The following SEMA3D variants were observed in gnomAD, a reference collection of about 807,000 sequenced individuals.
SEMA3D encodes semaphorin-3D.
SEMA3D carries 84 observed loss-of-function variants against 100.1 expected under a neutral mutation model. That is an observed-to-expected ratio of 0.84 (90% CI 0.70 to 1.01). The LOEUF (loss-of-function observed/expected upper bound fraction) is 1.01, where lower values mean the gene tolerates loss of function less well. Ranked by LOEUF, SEMA3D falls within the 50% of genes least tolerant of loss-of-function variation. The pLI is 0.00. For missense variants in SEMA3D, 875 were observed against 934.1 expected (o/e 0.94, Z 0.82); for synonymous variants, 312 against 320.7 (o/e 0.97, Z 0.29).
the SEMA3D span, among the ~76,000 whole-genome samples, chr7:85,242,843 TA>T: frequency 6.6e-6 from 1 of 152,160 alleles, no homozygotes; most frequent in Non-Finnish European, 1.5e-5. Flanking sequence ...TATCTGAAAT[TA>T]AAAAAATGAA....
At chr7:85,148,752 G>C (rs2191484) in intron 2 of SEMA3D, among the ~76,000 whole-genome samples, 1 of 152,066 alleles carries the variant, frequency 6.6e-6, no homozygotes, top group Non-Finnish European at 1.5e-5. Flanking sequence ...AATCAGTCGC[G>C]GTAACATCAG....
intron 4 of SEMA3D, among the ~76,000 whole-genome samples, chr7:85,084,456 T>G (rs1788160675): frequency 1.3e-5 from 2 of 152,192 alleles, no homozygotes; most frequent in Admixed American, 1.3e-4. Flanking sequence ...GACAACTTTA[T>G]ATCATTGGAC....
At chr7:85,016,578 C>A (rs1790109425) in intron 15 of SEMA3D, among the ~76,000 whole-genome samples, 1 of 151,496 alleles carries the variant, frequency 6.6e-6, no homozygotes, top group Non-Finnish European at 1.5e-5. Context: ...TGTTTCAGTC[C>A]TTATCACTTC....
the SEMA3D span, among the ~76,000 whole-genome samples, chr7:85,203,838 C>A: frequency 6.6e-6 from 1 of 151,728 alleles, no homozygotes; most frequent in Non-Finnish European, 1.5e-5. Context: ...AAACTTTGAA[C>A]CTAGTAGTAA....
At chr7:85,193,669 A>C in the SEMA3D span, among the ~76,000 whole-genome samples, 2 of 152,102 alleles carry the variant, frequency 1.3e-5, no homozygotes, top group African/African-American at 4.8e-5. Flanking sequence ...AAAACAAAAC[A>C]AAACTGAGAA....
chr7:85,057,891 A>G (rs1333977140), intron 8 of SEMA3D, among the ~76,000 whole-genome samples: 3 of 152,212 alleles, frequency 2.0e-5, no homozygotes, highest in Admixed American at 6.5e-5. Flanking sequence ...AGATCACACC[A>G]GGGCACTCCA....
intron 1 of SEMA3D, among the ~76,000 whole-genome samples, chr7:85,185,556 G>A (rs2240890): frequency 0.18 from 27,844 of 152,076 alleles, 2,758 homozygotes; most frequent in Non-Finnish European, 0.23. Context: ...CTGAAAGTTC[G>A]GCTATTTAAC....
the SEMA3D span, among the ~76,000 whole-genome samples, chr7:85,224,702 A>G: frequency 6.6e-6 from 1 of 152,096 alleles, no homozygotes; most frequent in Non-Finnish European, 1.5e-5. Flanking sequence ...TTCACTAGAA[A>G]TGGTCCTGTA....
the SEMA3D span, among the ~76,000 whole-genome samples, chr7:85,228,269 T>C: frequency 1.3e-4 from 20 of 152,178 alleles, no homozygotes; most frequent in Non-Finnish European, 2.5e-4. Flanking sequence ...AAGTCATGGT[T>C]AAATAATTTC....
chr7:85,168,137 T>C (rs531603514), intron 1 of SEMA3D, among the ~76,000 whole-genome samples: 27 of 151,984 alleles, frequency 1.8e-4, no homozygotes, highest in African/African-American at 5.8e-4. Context: ...AATCAACCTG[T>C]GGCTCTTATT....
chr7:85,060,979 CT>C (rs2116115983), intron 8 of SEMA3D, among the ~76,000 whole-genome samples: 1 of 152,288 alleles, frequency 6.6e-6, no homozygotes, highest in Non-Finnish European at 1.5e-5. Flanking sequence ...GGTCACACTT[CT>C]TAGTTTTATC....
rs189033532 is a variant in SEMA3D, at chr7:85,097,344, G to C, written c.312+461C>G. Among the ~76,000 whole-genome samples the C allele has an allele frequency of 2.2e-3, 329 of 151,828 alleles. 1 individual carries two copies. The highest frequency in any genetic ancestry group is 7.6e-3 in the African/African-American group (315 of 41,494). ...AAACCTGTTCAGATGTGAAATGAGA[G>C]TTTGGAAAAAGCAGTATGGTGTTTG... On this transcript the variant is annotated intron_variant, in intron 4 of 18. Transcript: ENST00000284136.
chr7:85,007,250 T>C (rs1789824867), intron 17 of SEMA3D, among the ~76,000 whole-genome samples: 1 of 151,880 alleles, frequency 6.6e-6, no homozygotes, highest in African/African-American at 2.4e-5. Context: ...GCTGAATAAA[T>C]CTTTTGCATC....
At chr7:85,116,011 T>G (rs1004292682) in intron 3 of SEMA3D, among the ~76,000 whole-genome samples, 1 of 152,044 alleles carries the variant, frequency 6.6e-6, no homozygotes. Flanking sequence ...TTCCAACAGA[T>G]ATATAGGAGT....
intron 4 of SEMA3D, among the ~76,000 whole-genome samples, chr7:85,094,287 C>T (rs1223152539): frequency 6.6e-6 from 1 of 151,884 alleles, no homozygotes; most frequent in Non-Finnish European, 1.5e-5. Context: ...GAAAAACTGC[C>T]AGAGTTGTAC....
chr7:85,189,053 A>G (rs1185945348), upstream of SEMA3D, among the ~76,000 whole-genome samples: 1 of 152,182 alleles, frequency 6.6e-6, no homozygotes, highest in African/African-American at 2.4e-5. Flanking sequence ...TTACCAGAGT[A>G]TCCTGAACAT....
At chr7:85,192,133 T>C in the SEMA3D span, among the ~76,000 whole-genome samples, 1 of 152,108 alleles carries the variant, frequency 6.6e-6, no homozygotes, top group South Asian at 2.1e-4. Context: ...GTGTGTTACA[T>C]ATTGTGGGCT....
At chr7:85,224,939 A>AGG in the SEMA3D span, among the ~76,000 whole-genome samples, 7 of 150,882 alleles carry the variant, frequency 4.6e-5, no homozygotes, top group Non-Finnish European at 1.5e-5. Context: ...TATCATGAAA[A>AGG]CAATACATTT....
chr7:85,178,902 G>A (rs1366957312), intron 1 of SEMA3D, among the ~76,000 whole-genome samples: 1 of 152,176 alleles, frequency 6.6e-6, no homozygotes, highest in Non-Finnish European at 1.5e-5. Flanking sequence ...CTGTGTTCCA[G>A]GTGCTCCAGC....
Sources: gnomAD v4.1 joint callset for allele counts (sites outside exome capture counted in the v4.1 genomes callset) on GRCh38, gnomAD v4.1.1 for gene constraint, MANE v1.5 for transcripts, NCBI Gene and HGNC (gene_info 2026-07-23, HGNC 2026-07-21) for gene names.